CNIH1: variants seen among roughly 807,000 people sequenced by gnomAD.
CNIH1 encodes cornichon family member 1.
Under a neutral mutation model 20.2 loss-of-function variants are expected in CNIH1, and 12 were observed. The ratio of observed to expected loss-of-function variants is 0.59; its 90% CI spans 0.38 to 0.96. The LOEUF is 0.96. Among genes scored for constraint, CNIH1 ranks in the 40% least tolerant of loss-of-function variants. The pLI is 0.00. For missense variants in CNIH1, 152 were observed against 178.8 expected (o/e 0.85, Z 0.85); for synonymous variants, 69 against 63.3 (o/e 1.09, Z -0.43).
chr14:54,439,286 AT>A (rs1241919308), intron 1 of CNIH1, among the ~76,000 whole-genome samples: 2 of 151,518 alleles, frequency 1.3e-5, no homozygotes, highest in African/African-American at 2.4e-5. Flanking sequence ...CTGCGGTATA[AT>A]TTTTTTTTCA....
chr14:54,436,606 C>T lies in CNIH1; in HGVS notation c.82-169G>A, dbSNP rs116172065. ...ATATATGACAAAAAGAACCAGAATG[C>T]GATTTAAAGTGAAAACACTCTTATC... On this transcript the variant is annotated intron_variant, in intron 1 of 4. Coordinates refer to ENST00000216416, the MANE Select transcript of CNIH1 (RefSeq NM_005776.3). The T allele has an allele frequency of 1.5e-3, 875 of 580,408 alleles. 7 individuals are homozygous for T. The highest frequency in any genetic ancestry group is 0.015 in the African/African-American group (795 of 53,120). The allele number at this position is 580,408 out of a possible 1,614,324, so 36.0% of individuals were successfully genotyped here.
chr14:54,425,524 T>A lies in CNIH1; in HGVS notation c.*2290A>T, dbSNP rs1398181271. ...GCTAGGGCCACCCCAAAGAGATTGA[T>A]GTGGAAAATAAATCCAGAGCAATGA... is the stretch of plus-strand genomic sequence containing the variant. On this transcript the variant is annotated 3_prime_UTR_variant, in exon 5 of 5. Transcript: ENST00000216416. 6.6e-6 allele frequency: 1 copy of A among 152,190 alleles called. No individual in the cohort carries two copies. The highest frequency in any genetic ancestry group is 1.5e-5 in the Non-Finnish European group (1 of 68,028). The allele number at this position is 152,190 out of a possible 1,614,324, so 9.4% of individuals were successfully genotyped here.
chr14:54,435,884 C>G (rs748030227), intron 2 of CNIH1, among the ~76,000 whole-genome samples: 1 of 152,126 alleles, frequency 6.6e-6, no homozygotes, highest in Non-Finnish European at 1.5e-5. Flanking sequence ...AAAACGCATA[C>G]GCATTTAACA....
intron 2 of CNIH1, among the ~76,000 whole-genome samples, chr14:54,434,118 T>A (rs2031003222): frequency 6.6e-6 from 1 of 152,236 alleles, no homozygotes. Flanking sequence ...ATTCTCTTGT[T>A]AAAGTTCACA....
chr14:54,433,318 C>T (rs1249149619), intron 2 of CNIH1, among the ~76,000 whole-genome samples: 1 of 152,186 alleles, frequency 6.6e-6, no homozygotes, highest in Admixed American at 6.5e-5. Context: ...ACTACATACT[C>T]AGACCCATTT....
At chr14:54,431,887 C>T (rs1035646013) in intron 3 of CNIH1, among the ~76,000 whole-genome samples, 3 of 152,032 alleles carry the variant, frequency 2.0e-5, no homozygotes, top group African/African-American at 7.2e-5. Flanking sequence ...GTGCACAACA[C>T]TAAGTTATAC....
intron 4 of CNIH1, among the ~76,000 whole-genome samples, chr14:54,429,365 C>G (rs895316399): frequency 2.0e-5 from 3 of 152,184 alleles, no homozygotes; most frequent in Non-Finnish European, 4.4e-5. Context: ...ATATACAGGA[C>G]AGCTTCCCAC....
At position 54,431,053 on chromosome 14, in the gene CNIH1, G is replaced by A. The variant is rs111326837; in HGVS notation, c.264-649C>T. Reference sequence around the variant, plus strand: ...TTGCCCAGTCTGTTCTCCAACTCCTGGGCTCAAGTGATCCACCTGCCTCAG... The same window carrying A: ...TTGCCCAGTCTGTTCTCCAACTCCTAGGCTCAAGTGATCCACCTGCCTCAG... On this transcript the variant is annotated intron_variant, in intron 3 of 4. Transcript: ENST00000216416. Among the ~76,000 whole-genome samples, 136 of 152,128 alleles carry A rather than the reference G, an allele frequency of 8.9e-4. 1 individual carries two copies. Among genetic ancestry groups the A allele is most frequent in the African/African-American group, 3.1e-3 (128 of 41,486 alleles).
intron 4 of CNIH1, among the ~76,000 whole-genome samples, chr14:54,428,934 G>A (rs1251350508): frequency 1.3e-5 from 2 of 152,176 alleles, no homozygotes; most frequent in Non-Finnish European, 2.9e-5. Context: ...ATATGAATAT[G>A]AATATAAGCC....
At chr14:54,434,401 TTACAA>T (rs1289320500) in intron 2 of CNIH1, among the ~76,000 whole-genome samples, 10 of 152,128 alleles carry the variant, frequency 6.6e-5, no homozygotes, top group Non-Finnish European at 1.5e-4. Flanking sequence ...CCTCCTAAAT[TTACAA>T]TACATTAGGA....
chr14:54,428,437 A>G (rs180712431), intron 4 of CNIH1, among the ~76,000 whole-genome samples: 1 of 152,368 alleles, frequency 6.6e-6, no homozygotes, highest in Admixed American at 6.5e-5. Context: ...GCAATTCTAC[A>G]GAGTGCTATG....
chr14:54,432,795 A>G (rs1157598722), intron 2 of CNIH1, among the ~76,000 whole-genome samples: 1 of 152,194 alleles, frequency 6.6e-6, no homozygotes, highest in Non-Finnish European at 1.5e-5. Context: ...GGGGAAGAAC[A>G]CTAATATGCG....
Position 54,426,989 on chromosome 14 carries a change from T to C in CNIH1, c.*825A>G, listed in dbSNP as rs561360079. 8 of 152,198 alleles carry C rather than the reference T, an allele frequency of 5.3e-5. No individual in the cohort carries two copies. The highest frequency in any genetic ancestry group is 1.0e-4 in the Non-Finnish European group (7 of 68,010). The allele number at this position is 152,198 out of a possible 1,614,324, so 9.4% of individuals were successfully genotyped here. On this transcript the variant is annotated 3_prime_UTR_variant, in exon 5 of 5. Coordinates refer to ENST00000216416, the MANE Select transcript of CNIH1 (RefSeq NM_005776.3). ...AAGGAACAGCAGGATGGTTATACAA[T>C]TTTCTCTCATTCAGTTTTGAAAATC...
chr14:54,424,571 A>C lies in CNIH1; in HGVS notation c.*3243T>G, dbSNP rs1566714415. ...CAATATTCCACGAACTCTATTCATA[A>C]ACATAGAAGGAGAAGAGAGGTGTTG... On this transcript the variant is annotated 3_prime_UTR_variant, in exon 5 of 5. Coordinates refer to ENST00000216416, the MANE Select transcript of CNIH1 (RefSeq NM_005776.3). 3 of 152,228 alleles carry C rather than the reference A, an allele frequency of 2.0e-5. No individual in the cohort carries two copies. The highest frequency in any genetic ancestry group is 4.4e-5 in the Non-Finnish European group (3 of 68,042). The allele number at this position is 152,228 out of a possible 1,614,324, so 9.4% of individuals were successfully genotyped here.
intron 1 of CNIH1, among the ~76,000 whole-genome samples, chr14:54,439,371 G>A (rs972537519): frequency 2.6e-5 from 4 of 151,378 alleles, no homozygotes; most frequent in African/African-American, 9.7e-5. Context: ...CCCATTTTTT[G>A]AAAGTGCGGT....
rs756633702 is a variant in CNIH1, at chr14:54,430,440, G to C, written c.264-36C>G. On this transcript the variant is annotated intron_variant, in intron 3 of 4. Coordinates refer to ENST00000216416, the MANE Select transcript of CNIH1 (RefSeq NM_005776.3). ...CACAGTCTATTAGGCATTCAGAAAG[G>C]GCAGTAAATGTTCAGATAAGAAAGC... The C allele has an allele frequency of 2.5e-6, 4 of 1,568,956 alleles. No individual in the cohort carries two copies. In the Admixed American group the frequency reaches 7.3e-5, roughly 29 times the overall value.
At chr14:54,430,471 T>C (rs2030912159) in intron 3 of CNIH1, 67 bp from the exon 4 acceptor site, 1 of 1,480,038 alleles carries the variant, frequency 6.8e-7, no homozygotes, top group Non-Finnish European at 9.2e-7. Flanking sequence ...AAAGCAGGTC[T>C]TTCTTCTAAA....
At chr14:54,439,419 A>C (rs2031121609) in intron 1 of CNIH1, among the ~76,000 whole-genome samples, 1 of 152,016 alleles carries the variant, frequency 6.6e-6, no homozygotes, top group Non-Finnish European at 1.5e-5. Context: ...CTGGTTCAAA[A>C]CGTAAAAATG....
At chr14:54,437,378 A>G (rs2031074964) in intron 1 of CNIH1, among the ~76,000 whole-genome samples, 1 of 152,228 alleles carries the variant, frequency 6.6e-6, no homozygotes, top group African/African-American at 2.4e-5. Flanking sequence ...GTAAAGTTAC[A>G]TATTTCCATC....
Sources: gnomAD v4.1 joint callset for allele counts (sites outside exome capture counted in the v4.1 genomes callset) on GRCh38, gnomAD v4.1.1 for gene constraint, MANE v1.5 for transcripts, NCBI Gene and HGNC (gene_info 2026-07-23, HGNC 2026-07-21) for gene names.